Variants in C3orf52 observed in about 807,000 individuals in gnomAD.
C3orf52 encodes the protein TPA-induced transmembrane protein.
Under a neutral mutation model 24.8 loss-of-function variants are expected in C3orf52, and 22 were observed. The observed-to-expected ratio is 0.89, with a 90% CI of 0.63 to 1.27. C3orf52 has a LOEUF of 1.27. C3orf52 is among the 50% of genes most tolerant of loss of function. The pLI, the probability that C3orf52 is intolerant of heterozygous loss-of-function variation, is 0.00. For synonymous variants in C3orf52, 93 were observed against 100.2 expected (o/e 0.93, Z 0.43); for missense variants, 265 against 260.7 (o/e 1.02, Z -0.11).
rs779405229 is a variant in C3orf52 at position 112,116,715 on chromosome 3, C to CT, written c.*70dup. On this transcript the variant is annotated 3_prime_UTR_variant, in exon 6 of 6. Coordinates refer to ENST00000264848, the MANE Select transcript of C3orf52 (RefSeq NM_024616.3). Reference sequence around the variant, plus strand: ...GTCCTGGAGATGAAGGGAATTCACTCTGTTTTGCAGAAAAGATTCTGTGGA... The same window carrying CT: ...GTCCTGGAGATGAAGGGAATTCACTCTTGTTTTGCAGAAAAGATTCTGTGGA... The CT allele has an allele frequency of 1.3e-6, 2 of 1,568,104 alleles. No homozygotes were observed. Among genetic ancestry groups the CT allele is most frequent in the Non-Finnish European group, 1.7e-6 (2 of 1,155,412 alleles).
At chr3:112,128,515 A>G (rs1576168202) in exon 5 of C3orf52, 1 of 303,526 alleles carries the variant, frequency 3.3e-6, no homozygotes, top group East Asian at 8.1e-5. Flanking sequence ...TCTATATTCT[A>G]CACTAGAATG....
At chr3:112,114,669 A>G (rs1026627742) in intron 5 of C3orf52, among the ~76,000 whole-genome samples, 2 of 151,934 alleles carry the variant, frequency 1.3e-5, no homozygotes, top group African/African-American at 4.8e-5. Context: ...GCATCATTGC[A>G]CTCCAGCCTG....
chr3:112,117,767 C>T lies in C3orf52; in HGVS notation c.*1121C>T, dbSNP rs540374911. ...CAACTGTATTGGTTGTCTACAGATA[C>T]AGAATTGCCTGTTGTGAGGGAACTG... On this transcript the variant is annotated 3_prime_UTR_variant, in exon 6 of 6. Transcript: ENST00000264848. The T allele has an allele frequency of 1.3e-5, 2 of 152,352 alleles. No homozygotes were observed. The highest frequency in any genetic ancestry group is 4.8e-5 in the African/African-American group (2 of 41,574). 9.4% of individuals were successfully genotyped at this position (152,352 alleles called of 1,614,324 possible). A position where few individuals can be genotyped will look rare whatever the true frequency, so the allele number is the denominator to read the frequency against.
At chr3:112,132,353 C>G (rs183197900), downstream of C3orf52, among the ~76,000 whole-genome samples, 2 of 152,296 alleles carry the variant, frequency 1.3e-5, no homozygotes, top group Non-Finnish European at 2.9e-5. Flanking sequence ...CGCTTACTCT[C>G]TCTAGATCAC....
Position 112,098,451 on chromosome 3 carries a change from C to G in C3orf52, c.269-4387C>G, listed in dbSNP as rs555895915. Among the ~76,000 whole-genome samples, 12 of 152,320 alleles carry G rather than the reference C, an allele frequency of 7.9e-5. No homozygotes were observed. The East Asian group carries it at 2.3e-3, about 29-fold the overall frequency. On this transcript the variant is annotated intron_variant, in intron 2 of 5. Transcript: ENST00000264848. ...TTGGAGAGCTCATTCACTCCCAGGA[C>G]AGCAGCCATGCCTCCAAGAAGGTGA...
At chr3:112,136,221 ATTGT>A in the C3orf52 span, among the ~76,000 whole-genome samples, 2 of 152,208 alleles carry the variant, frequency 1.3e-5, no homozygotes, top group African/African-American at 2.4e-5. Flanking sequence ...AATACTAGTC[ATTGT>A]TTGTCTTGAG....
At chr3:112,096,358 C>G (rs2073927432) in intron 2 of C3orf52, among the ~76,000 whole-genome samples, 1 of 152,222 alleles carries the variant, frequency 6.6e-6, no homozygotes, top group South Asian at 2.1e-4. Flanking sequence ...CCCCAAAGGC[C>G]CAGGGCTTAA....
chr3:112,123,725 G>C, intron 4 of C3orf52: 1 of 1,613,910 alleles, frequency 6.2e-7, no homozygotes, highest in Non-Finnish European at 8.5e-7. Flanking sequence ...CCCGATGATT[G>C]ATGAGGGTAT....
chr3:112,098,169 C>T (rs770147906), intron 2 of C3orf52, among the ~76,000 whole-genome samples: 57 of 152,288 alleles, frequency 3.7e-4, no homozygotes, highest in Admixed American at 7.8e-4. Flanking sequence ...CTGCAGACTC[C>T]CAAACCTCTT....
At chr3:112,119,829 C>T (rs553995755), downstream of C3orf52, among the ~76,000 whole-genome samples, 25 of 152,352 alleles carry the variant, frequency 1.6e-4, no homozygotes, top group Non-Finnish European at 3.1e-4. Context: ...CAAAAGGCAC[C>T]TCCCTCATCT....
Position 112,093,395 on chromosome 3 carries a change from G to T in C3orf52, c.174G>T (p.Lys58Asn), listed in dbSNP as rs1245313863. The T allele has an allele frequency of 1.2e-6, 2 of 1,613,962 alleles. No individual in the cohort carries two copies. Among genetic ancestry groups the T allele is most frequent in the Non-Finnish European group, 1.7e-6 (2 of 1,179,866 alleles). ...AAAGCCCCTGGAGCTCCTGTAATAA[G>T]AATGTGGTTGGAAGATGCAAACTGT... Reference protein sequence around the residue: ...NKESPWSSCNKNVVGRCKLWM... With the variant: ...NKESPWSSCNNNVVGRCKLWM... Residue 58 changes from lysine to asparagine, a missense_variant, in exon 2 of 6, where the codon AAG becomes AAT. Lys to Asn is a moderately conservative substitution (Grantham distance 94, BLOSUM62 0). Transcript: ENST00000264848.
At chr3:112,115,445 A>G (rs1234581843) in intron 5 of C3orf52, among the ~76,000 whole-genome samples, 2 of 152,166 alleles carry the variant, frequency 1.3e-5, no homozygotes, top group East Asian at 3.9e-4. Context: ...GGGGATTACC[A>G]TCCCCGCCCT....
rs942081793 is a variant in C3orf52 at position 112,117,415 on chromosome 3, G to C, written c.*769G>C. The stretch of plus-strand genomic sequence containing the variant: ...TTTCTTCATTATTTTGCAGCTCCTC[G>C]TTGTTCCTGTGATTCCTGAACACCT... On this transcript the variant is annotated 3_prime_UTR_variant, in exon 6 of 6. Coordinates refer to ENST00000264848, the MANE Select transcript of C3orf52 (RefSeq NM_024616.3). The C allele has an allele frequency of 6.3e-6, 1 of 159,408 alleles. No homozygotes were observed. The allele number at this position is 159,408 out of a possible 1,614,324, so 9.9% of individuals were successfully genotyped here.
chr3:112,120,083 A>G (rs556258773), downstream of C3orf52, among the ~76,000 whole-genome samples: 1 of 152,332 alleles, frequency 6.6e-6, no homozygotes, highest in South Asian at 2.1e-4. Context: ...GAGGCTTTCT[A>G]TGATGATGAT....
chr3:112,095,978 T>A (rs1300215935), intron 2 of C3orf52, among the ~76,000 whole-genome samples: 1 of 152,162 alleles, frequency 6.6e-6, no homozygotes, highest in Non-Finnish European at 1.5e-5. Flanking sequence ...ATGGGAAATG[T>A]TGTCTGGGGA....
At chr3:112,119,060 A>G (rs77079982), downstream of C3orf52, among the ~76,000 whole-genome samples, 186 of 152,330 alleles carry the variant, frequency 1.2e-3, 1 homozygote, top group East Asian at 0.01. Flanking sequence ...ATGAAACAGG[A>G]AACAGCAGAA....
chr3:112,124,762 G>A (rs555057543), intron 4 of C3orf52, among the ~76,000 whole-genome samples: 16 of 152,286 alleles, frequency 1.1e-4, no homozygotes, highest in East Asian at 3.9e-4. Flanking sequence ...GAGATAAAAA[G>A]CAAAGCAGCA....
chr3:112,086,611 C>A (rs2073829036), intron 1 of C3orf52, 66 bp downstream of exon 1: 1 of 1,498,676 alleles, frequency 6.7e-7, no homozygotes, highest in Non-Finnish European at 9.0e-7. Flanking sequence ...CCGGGCCTGG[C>A]ACCCGCGAGT....
At chr3:112,110,948 C>T (rs1234192320) in intron 4 of C3orf52, among the ~76,000 whole-genome samples, 1 of 152,214 alleles carries the variant, frequency 6.6e-6, no homozygotes, top group South Asian at 2.1e-4. Context: ...TGGTGGCTTA[C>T]ACCTGTAATC....
Sources: gnomAD v4.1 joint callset for allele counts (sites outside exome capture counted in the v4.1 genomes callset) on GRCh38, gnomAD v4.1.1 for gene constraint, MANE v1.5 for transcripts, NCBI Gene and HGNC (gene_info 2026-07-23, HGNC 2026-07-21) for gene names.